The following GABRB1 variants were observed in gnomAD, a reference collection of about 807,000 sequenced individuals.
GABRB1 encodes gamma-aminobutyric acid type A receptor subunit beta1.
GABRB1 carries 17 observed loss-of-function variants against 51.6 expected under a neutral mutation model. The ratio of observed to expected loss-of-function variants is 0.33; its 90% CI spans 0.23 to 0.49. The LOEUF (loss-of-function observed/expected upper bound fraction) is 0.49, where lower values mean the gene tolerates loss of function less well. Among genes scored for constraint, GABRB1 ranks in the 20% least tolerant of loss-of-function variants. The probability of loss-of-function intolerance (pLI) is 0.99; values close to 1 mark genes in which losing one functional copy is unlikely to be tolerated. For synonymous variants in GABRB1, 247 were observed against 218.9 expected (o/e 1.13, Z -1.14); for missense variants, 410 against 600.6 (o/e 0.68, Z 3.32).
rs79466087 is a variant in GABRB1 at position 47,394,601 on chromosome 4, A to G, written c.545-8717A>G. On this transcript the variant is annotated intron_variant, in intron 5 of 8. Transcript: ENST00000295454. The stretch of plus-strand genomic sequence containing the variant: ...GAAGACAGCTTTAAATTTGGACTGT[A>G]TTGCCTTGTCTCCTTAAAGGATTTT... 4.2e-3 allele frequency among the ~76,000 whole-genome samples: 632 copies of G among 152,288 alleles called. 4 individuals carry two copies. The highest frequency in any genetic ancestry group is 0.014 in the Middle Eastern group (4 of 294).
At chr4:47,235,328 G>A (rs1721288258) in intron 4 of GABRB1, among the ~76,000 whole-genome samples, 1 of 152,186 alleles carries the variant, frequency 6.6e-6, no homozygotes, top group East Asian at 1.9e-4. Context: ...AAGGCGGGCA[G>A]ATCACGAGGT....
chr4:47,207,952 C>G (rs1343837505), intron 4 of GABRB1, among the ~76,000 whole-genome samples: 1 of 151,982 alleles, frequency 6.6e-6, no homozygotes, highest in Non-Finnish European at 1.5e-5. Flanking sequence ...GAAAAATTAC[C>G]TAACTCCTGG....
chr4:47,036,640 T>C (rs1440151529), intron 3 of GABRB1, among the ~76,000 whole-genome samples: 1 of 152,074 alleles, frequency 6.6e-6, no homozygotes, highest in Non-Finnish European at 1.5e-5. Context: ...GGCGAGTGTA[T>C]CACTTGAGGC....
intron 4 of GABRB1, among the ~76,000 whole-genome samples, chr4:47,220,634 G>C (rs1483745268): frequency 6.6e-6 from 1 of 151,844 alleles, no homozygotes; most frequent in African/African-American, 2.4e-5. Context: ...TCAGTTAGTG[G>C]CATCACCAGC....
chr4:47,003,823 C>T (rs1404119879), intron 1 of GABRB1, among the ~76,000 whole-genome samples: 3 of 152,180 alleles, frequency 2.0e-5, no homozygotes, highest in African/African-American at 7.2e-5. Context: ...TAAGAGGAAC[C>T]TTAGGTCTAG....
chr4:47,343,649 C>T (rs1461636534), intron 5 of GABRB1, among the ~76,000 whole-genome samples: 1 of 152,034 alleles, frequency 6.6e-6, no homozygotes, highest in East Asian at 1.9e-4. Flanking sequence ...ACTGATGGAC[C>T]CTGGTTGCAA....
intron 3 of GABRB1, among the ~76,000 whole-genome samples, chr4:47,143,909 G>C (rs995192356): frequency 6.6e-6 from 1 of 151,806 alleles, no homozygotes; most frequent in Non-Finnish European, 1.5e-5. Context: ...GAAGTTTTCT[G>C]TCTTGTTTAT....
upstream of GABRB1, chr4:46,993,693 C>T (rs1723870594): frequency 2.8e-6 from 1 of 363,432 alleles, no homozygotes; most frequent in African/African-American, 2.1e-5. Flanking sequence ...CTTTCGTGCC[C>T]GCGCGCTGAA....
At position 47,163,694 on chromosome 4, in the gene GABRB1, T is replaced by TAAAGAAA. The variant is rs532204056; in HGVS notation, c.461+2233_461+2239dup. 3.8e-4 allele frequency among the ~76,000 whole-genome samples: 58 copies of TAAAGAAA among 152,104 alleles called. 1 individual carries two copies. Among genetic ancestry groups the TAAAGAAA allele is most frequent in the African/African-American group, 1.4e-3 (58 of 41,528 alleles). Reference sequence around the variant, plus strand: ...CATGTACCTCCTAAATCTAAAATTTTAAAGAAAAAAGAAACTTTTCAGTGG... The same window carrying TAAAGAAA: ...CATGTACCTCCTAAATCTAAAATTTTAAAGAAAAAAGAAAAAAGAAACTTTTCAGTGG... On this transcript the variant is annotated intron_variant, in intron 4 of 8. Transcript: ENST00000295454.
At chr4:47,295,728 C>A (rs919351380) in intron 4 of GABRB1, among the ~76,000 whole-genome samples, 1 of 152,118 alleles carries the variant, frequency 6.6e-6, no homozygotes, top group South Asian at 2.1e-4. Flanking sequence ...GCAAGGCAGG[C>A]CAACATTCAG....
intron 5 of GABRB1, among the ~76,000 whole-genome samples, chr4:47,335,594 G>C (rs1055501542): frequency 1.3e-5 from 2 of 152,070 alleles, no homozygotes; most frequent in African/African-American, 4.8e-5. Context: ...TTTCTTCCTA[G>C]TTTAATGAAG....
intron 5 of GABRB1, among the ~76,000 whole-genome samples, chr4:47,354,489 C>T (rs1726478883): frequency 2.0e-5 from 3 of 152,138 alleles, no homozygotes. Flanking sequence ...TTTCCCAGAA[C>T]TCTGTGTTCT....
chr4:46,998,730 T>C (rs1331458813), intron 1 of GABRB1, among the ~76,000 whole-genome samples: 1 of 101,302 alleles, frequency 9.9e-6, no homozygotes, highest in Non-Finnish European at 1.9e-5. Flanking sequence ...CAAGACTCTG[T>C]CTAAAAAAAA....
At chr4:47,284,056 C>T (rs1295553970) in intron 4 of GABRB1, among the ~76,000 whole-genome samples, 1 of 148,594 alleles carries the variant, frequency 6.7e-6, no homozygotes, top group Non-Finnish European at 1.5e-5. Flanking sequence ...CGGGTCAGCG[C>T]CACTGCACTC....
At chr4:47,065,284 T>C (rs1198322390) in intron 3 of GABRB1, among the ~76,000 whole-genome samples, 1 of 152,248 alleles carries the variant, frequency 6.6e-6, no homozygotes, top group Non-Finnish European at 1.5e-5. Context: ...TTTCATCTCT[T>C]GCATAATAAA....
intron 3 of GABRB1, among the ~76,000 whole-genome samples, chr4:47,098,457 C>T (rs138206552): frequency 6.4e-4 from 98 of 151,990 alleles, no homozygotes; most frequent in Admixed American, 1.5e-3. Flanking sequence ...GTTTTTTTTC[C>T]CCCCAATTAG....
intron 5 of GABRB1, among the ~76,000 whole-genome samples, chr4:47,348,383 C>T (rs1425594109): frequency 2.0e-5 from 3 of 152,254 alleles, no homozygotes; most frequent in Middle Eastern, 3.4e-3. Flanking sequence ...ACATTGGTGG[C>T]TAAGATAGTG....
intron 8 of GABRB1, among the ~76,000 whole-genome samples, chr4:47,409,451 C>T (rs761234576): frequency 1.2e-4 from 18 of 152,154 alleles, no homozygotes; most frequent in South Asian, 2.1e-4. Context: ...GCCATCTCTC[C>T]GACCATCTCC....
At chr4:47,204,356 G>C (rs1197537505) in intron 4 of GABRB1, among the ~76,000 whole-genome samples, 2 of 152,056 alleles carry the variant, frequency 1.3e-5, no homozygotes, top group Non-Finnish European at 2.9e-5. Context: ...ACATATGCAG[G>C]GCCACAAAGT....
Sources: allele counts gnomAD v4.1 joint callset (sites outside exome capture counted in the v4.1 genomes callset), GRCh38; gene constraint gnomAD v4.1.1; transcripts MANE v1.5; gene names NCBI Gene and HGNC (gene_info 2026-07-23, HGNC 2026-07-21).